Variants in TRPM7 observed in about 807,000 individuals in gnomAD.
The protein encoded by TRPM7 is transient receptor potential cation channel subfamily M member 7.
TRPM7 carries 134 observed loss-of-function variants against 229.7 expected under a neutral mutation model. That is an observed-to-expected ratio of 0.58 (90% CI 0.51 to 0.67). TRPM7 has a LOEUF of 0.67. Among genes scored for constraint, TRPM7 ranks in the 30% least tolerant of loss-of-function variants. The pLI is 0.00. For missense variants in TRPM7, 1,901 were observed against 2,210.0 expected, an observed-to-expected ratio of 0.86 and a Z score of 2.80; for synonymous variants, 699 against 715.2, an observed-to-expected ratio of 0.98 and a Z score of 0.36.
In TRPM7 at chr15:50,561,582, T is replaced by A; in HGVS notation, c.*96A>T. On this transcript the variant is annotated 3_prime_UTR_variant, in exon 39 of 39. Coordinates refer to ENST00000646667, the MANE Select transcript of TRPM7 (RefSeq NM_017672.6). ...TCAGCAAATTCAACTTGCATACACC[T>A]TTCTATATTACCAAACAATTTCCTC... 1 of 1,474,434 alleles carries A rather than the reference T, an allele frequency of 6.8e-7. No homozygotes were observed. The highest frequency in any genetic ancestry group is 9.3e-7 in the Non-Finnish European group (1 of 1,077,056). 91.3% of individuals were successfully genotyped at this position (1,474,434 alleles called of 1,614,324 possible).
Position 50,589,613 on chromosome 15 carries a change from T to A in TRPM7, c.4368A>T (p.Ser1456=), listed in dbSNP as rs763200528. Reference sequence around the variant, plus strand: ...TTACGGATAGTATTTTTATCTTGTTTGATGTTTCTTTAAACCTCTGTAAAT... The same window carrying A: ...TTACGGATAGTATTTTTATCTTGTTAGATGTTTCTTTAAACCTCTGTAAAT... The part of the protein sequence containing the change: ...SMDLQRFKET[S]NKIKILSNNN... Residue 1456 remains serine (S), a synonymous_variant, in exon 27 of 39, where the codon TCA becomes TCT. Transcript: ENST00000646667. The A allele has an allele frequency of 6.3e-7, 1 of 1,590,452 alleles. No individual in the cohort carries two copies. The highest frequency in any genetic ancestry group is 8.6e-7 in the Non-Finnish European group (1 of 1,162,300).
chr15:50,601,597 G>A (rs1053055110), intron 21 of TRPM7, among the ~76,000 whole-genome samples: 46 of 152,142 alleles, frequency 3.0e-4, no homozygotes, highest in African/African-American at 7.5e-4. Context: ...AGCACAGATC[G>A]CGCCACTGAA....
chr15:50,675,953 CCT>C (rs1400564065), intron 1 of TRPM7, among the ~76,000 whole-genome samples: 1 of 152,156 alleles, frequency 6.6e-6, no homozygotes, highest in African/African-American at 2.4e-5. Context: ...AGTTTCAGAG[CCT>C]CTTTTTGCTT....
intron 3 of TRPM7, among the ~76,000 whole-genome samples, chr15:50,654,676 C>CA (rs1377821820): frequency 6.6e-6 from 1 of 151,178 alleles, no homozygotes; most frequent in African/African-American, 2.4e-5. Flanking sequence ...GCAATCCTAG[C>CA]ACTGAAAAAT....
At chr15:50,582,672 T>C (rs2140310410) in intron 29 of TRPM7, among the ~76,000 whole-genome samples, 1 of 152,356 alleles carries the variant, frequency 6.6e-6, no homozygotes, top group Non-Finnish European at 1.5e-5. Context: ...ATATTTTGAA[T>C]GTAAGTCAAT....
At chr15:50,683,231 CT>C (rs1365718029) in intron 1 of TRPM7, among the ~76,000 whole-genome samples, 1 of 102,264 alleles carries the variant, frequency 9.8e-6, no homozygotes, top group East Asian at 3.0e-4. Flanking sequence ...CAGGCAGTCA[CT>C]TAAAAAAAAA....
At chr15:50,575,576 A>G (rs1025452594) in intron 33 of TRPM7, 148 bp downstream of exon 33, 1 of 680,486 alleles carries the variant, frequency 1.5e-6, no homozygotes, top group Non-Finnish European at 2.4e-6. Flanking sequence ...CTATTCAAAC[A>G]TACCTCACCC....
At chr15:50,628,276 A>G (rs2060626900) in intron 10 of TRPM7, 27 bp from the exon 11 acceptor site, 1 of 1,488,102 alleles carries the variant, frequency 6.7e-7, no homozygotes, top group Non-Finnish European at 9.3e-7. Context: ...AATAGTTGAC[A>G]GGTTCAATTA....
chr15:50,612,192 G>C (rs1355976658), intron 16 of TRPM7, among the ~76,000 whole-genome samples: 2 of 152,208 alleles, frequency 1.3e-5, no homozygotes, highest in Non-Finnish European at 2.9e-5. Flanking sequence ...CCAGGCTCAA[G>C]TGATCCTTCC....
intron 1 of TRPM7, among the ~76,000 whole-genome samples, chr15:50,683,715 G>T (rs748883718): frequency 6.6e-6 from 1 of 152,050 alleles, no homozygotes; most frequent in East Asian, 1.9e-4. Context: ...GCAAGACTCT[G>T]TTCCAAAAAA....
At position 50,611,161 on chromosome 15, in the gene TRPM7, A is replaced by C; in HGVS notation, c.2212T>G (p.Cys738Gly). The change falls in exon 17 of 39, where the codon TGT becomes GGT. Residue 738 changes from cysteine (C) to glycine (G), a missense_variant. Cys to Gly is a radical substitution (Grantham distance 159). Around this residue, in one of 8 missense-constraint regions of TRPM7, gnomAD observed 794 missense variants for 881.9 expected, o/e 0.90. Transcript: ENST00000646667. ...SRLRPFVAHTCTQMLLSDMWM... is the reference protein window; with the variant it reads ...SRLRPFVAHTGTQMLLSDMWM... ...ATATCAGATAACAACATTTGTGTAC[A>C]GGTGTGAGCTACAAAAGGTCTAAGT... is the stretch of plus-strand genomic sequence containing the variant. 1 of 1,614,004 alleles carries C rather than the reference A, an allele frequency of 6.2e-7. No homozygotes were observed. Among genetic ancestry groups the C allele is most frequent in the Non-Finnish European group, 8.5e-7 (1 of 1,179,920 alleles).
chr15:50,670,741 G>A (rs965268992), intron 1 of TRPM7, among the ~76,000 whole-genome samples: 2 of 148,646 alleles, frequency 1.3e-5, no homozygotes, highest in Non-Finnish European at 3.0e-5. Context: ...AACCTATGGG[G>A]TAACCATTCT....
chr15:50,603,481 G>A (rs2059834025), intron 21 of TRPM7, among the ~76,000 whole-genome samples: 1 of 129,722 alleles, frequency 7.7e-6, no homozygotes, highest in Non-Finnish European at 1.6e-5. Context: ...ACAGGCCCCA[G>A]CGTGTGATGT....
intron 1 of TRPM7, among the ~76,000 whole-genome samples, chr15:50,682,680 A>G (rs1286720629): frequency 6.6e-6 from 1 of 152,188 alleles, no homozygotes; most frequent in East Asian, 1.9e-4. Flanking sequence ...ATTAGAACTA[A>G]TCATATTTGT....
intron 3 of TRPM7, 49 bp from the exon 4 acceptor site, chr15:50,648,934 A>G (rs2063010): frequency 0.39 from 571,007 of 1,451,198 alleles, 117,136 homozygotes; most frequent in Admixed American, 0.49. Context: ...ATTAGAGTTA[A>G]TGAAAAAATG....
intron 38 of TRPM7, among the ~76,000 whole-genome samples, chr15:50,562,644 C>A (rs764673455): frequency 2.6e-5 from 4 of 151,736 alleles, no homozygotes; most frequent in Non-Finnish European, 4.4e-5. Flanking sequence ...TGGTGATGTG[C>A]GCCTGTAGTC....
At chr15:50,631,110 A>C (rs1467376441) in intron 10 of TRPM7, among the ~76,000 whole-genome samples, 1 of 152,134 alleles carries the variant, frequency 6.6e-6, no homozygotes, top group Admixed American at 6.5e-5. Flanking sequence ...TACAGGTGTG[A>C]GCCACCATGC....
At chr15:50,585,774 T>C (rs2059325425) in intron 28 of TRPM7, among the ~76,000 whole-genome samples, 1 of 152,180 alleles carries the variant, frequency 6.6e-6, no homozygotes, top group African/African-American at 2.4e-5. Context: ...ATTCAACTTT[T>C]CAACGATGTG....
intron 1 of TRPM7, 21 bp downstream of exon 1, chr15:50,686,510 G>A (rs200916354): frequency 1.9e-6 from 3 of 1,613,792 alleles, no homozygotes; most frequent in South Asian, 1.1e-5. Context: ...TTCCCCGCCC[G>A]GGCCTGCGTG....
Sources: gnomAD v4.1 joint callset for allele counts (sites outside exome capture counted in the v4.1 genomes callset) on GRCh38, gnomAD v4.1.1 for gene constraint, gnomAD v4.1.1 regional missense constraint, MANE v1.5 for transcripts, NCBI Gene and HGNC (gene_info 2026-07-23, HGNC 2026-07-21) for gene names.